The following PARD3B variants were observed in gnomAD, a reference collection of about 807,000 sequenced individuals.
The protein encoded by PARD3B is par-3 family cell polarity regulator beta.
PARD3B carries 103 observed loss-of-function variants against 130.2 expected under a neutral mutation model. That is an observed-to-expected ratio of 0.79 (90% CI 0.67 to 0.93). PARD3B has a LOEUF of 0.93. Ranked by LOEUF, PARD3B falls within the 40% of genes least tolerant of loss-of-function variation. The probability of loss-of-function intolerance (pLI) is 0.00; values close to 1 mark genes in which losing one functional copy is unlikely to be tolerated. For missense variants in PARD3B, 1,609 were observed against 1,499.2 expected (o/e 1.07, Z -1.21); for synonymous variants, 583 against 553.2 (o/e 1.05, Z -0.76).
chr2:205,534,828 G>A (rs909768569), intron 21 of PARD3B, among the ~76,000 whole-genome samples: 7 of 152,072 alleles, frequency 4.6e-5, no homozygotes, highest in South Asian at 2.1e-4. Flanking sequence ...ATGATGATAC[G>A]TATTCCTCAT....
Position 205,021,725 on chromosome 2 carries a change from A to AT in PARD3B, c.395-25852dup, listed in dbSNP as rs1218314656. Among the ~76,000 whole-genome samples the AT allele has an allele frequency of 4.0e-5, 6 of 151,532 alleles. No homozygotes were observed. The highest frequency in any genetic ancestry group is 1.5e-4 in the African/African-American group (6 of 41,286). ...GGATAGAAATTTAAAATAAACTTCC[A>AT]TTTTAAATATGAGGAAACCAAGACT... On this transcript the variant is annotated intron_variant, in intron 3 of 22. Transcript: ENST00000406610. The surrounding 1 kb of genome is among the most constrained non-coding windows in gnomAD (Gnocchi z 4.5).
intron 15 of PARD3B, among the ~76,000 whole-genome samples, chr2:205,233,304 A>G (rs2038926960): frequency 6.6e-6 from 1 of 152,182 alleles, no homozygotes; most frequent in South Asian, 2.1e-4. Flanking sequence ...AGAATTTTCC[A>G]GAAATACAAA....
intron 22 of PARD3B, among the ~76,000 whole-genome samples, chr2:205,571,668 C>G (rs2053566049): frequency 6.6e-6 from 1 of 152,178 alleles, no homozygotes; most frequent in Non-Finnish European, 1.5e-5. Context: ...ATAAAAGTCA[C>G]TTGGCTCTCC....
At chr2:204,986,963 C>A (rs932661472) in intron 3 of PARD3B, among the ~76,000 whole-genome samples, 2 of 152,112 alleles carry the variant, frequency 1.3e-5, no homozygotes, top group African/African-American at 2.4e-5. Context: ...GAAAATGTTT[C>A]TTTTAGGGAG....
chr2:204,777,621 T>G (rs151082280), intron 2 of PARD3B, among the ~76,000 whole-genome samples: 50 of 152,118 alleles, frequency 3.3e-4, no homozygotes, highest in African/African-American at 1.1e-3. Flanking sequence ...TTAAAAAAAT[T>G]AGCCAGGAAT....
intron 2 of PARD3B, among the ~76,000 whole-genome samples, chr2:204,695,412 A>G (rs541015452): frequency 1.3e-4 from 20 of 152,058 alleles, no homozygotes; most frequent in Admixed American, 2.0e-4. Context: ...GTCAGTCACC[A>G]GTACCTGTGT....
intron 2 of PARD3B, among the ~76,000 whole-genome samples, chr2:204,800,148 C>T (rs1322645516): frequency 6.6e-6 from 1 of 152,130 alleles, no homozygotes; most frequent in Non-Finnish European, 1.5e-5. Context: ...AGAAGGAATT[C>T]AGAATCCTAT....
In PARD3B at chr2:204,604,406, A is replaced by C. The variant is rs145366281; in HGVS notation, c.120+58287A>C. Among the ~76,000 whole-genome samples, 1,294 of 152,304 alleles carry C rather than the reference A, an allele frequency of 8.5e-3. 32 individuals are homozygous for C. The highest frequency in any genetic ancestry group is 0.026 in the East Asian group (137 of 5,186). ...TGGTAAGTGTCCTGGCATAAAAGCT[A>C]AGCTTTTAAAAATTTATGTTTCCCC... On this transcript the variant is annotated intron_variant, in intron 1 of 22. Transcript: ENST00000406610.
chr2:205,181,502 T>C (rs1179578485), intron 13 of PARD3B, among the ~76,000 whole-genome samples: 1 of 152,220 alleles, frequency 6.6e-6, no homozygotes, highest in Non-Finnish European at 1.5e-5. Flanking sequence ...GGTTTTGGAC[T>C]GTAGGTCTCT....
In PARD3B at chr2:205,436,591, T is replaced by TA. The variant is rs756495410; in HGVS notation, c.2742-3770dup. On this transcript the variant is annotated intron_variant, in intron 19 of 22. Transcript: ENST00000406610. ...TACGGAAGTTTTTTTTAATTTTCTT[T>TA]AAAAAAAAATCTGTGCTAAAATATA... is the stretch of plus-strand genomic sequence containing the variant. Among the ~76,000 whole-genome samples, 97 of 151,710 alleles carry TA rather than the reference T, an allele frequency of 6.4e-4. 1 individual carries two copies. The highest frequency in any genetic ancestry group is 3.4e-3 in the Middle Eastern group (1 of 292).
intron 1 of PARD3B, among the ~76,000 whole-genome samples, chr2:204,654,004 A>G (rs2035567160): frequency 6.6e-6 from 1 of 151,112 alleles, no homozygotes; most frequent in African/African-American, 2.5e-5. Flanking sequence ...GAGAGTCTCC[A>G]GTTTAAAAAC....
At chr2:204,944,101 T>C (rs181520412) in intron 2 of PARD3B, among the ~76,000 whole-genome samples, 1 of 152,250 alleles carries the variant, frequency 6.6e-6, no homozygotes, top group East Asian at 1.9e-4. Context: ...TGAAAGAAAC[T>C]GGTGGCACAA....
At position 205,550,850 on chromosome 2, in the gene PARD3B, A is replaced by T. The variant is rs2052587289; in HGVS notation, c.3181-2474A>T. Among the ~76,000 whole-genome samples, 1 of 147,406 alleles carries T rather than the reference A, an allele frequency of 6.8e-6. No individual in the cohort carries two copies. The highest frequency in any genetic ancestry group is 1.5e-5 in the Non-Finnish European group (1 of 66,812). The stretch of plus-strand genomic sequence containing the variant: ...TATTTTATGTATATTTGAATATTTT[A>T]TATGTATATTTGTATGTATATATGT... On this transcript the variant is annotated intron_variant, in intron 21 of 22. Transcript: ENST00000406610. This position sits in a 1 kb window ranked among gnomAD's most constrained non-coding sequence, Gnocchi z 4.5.
rs576966376 is a variant in PARD3B at position 205,007,237 on chromosome 2, G to A, written c.395-40344G>A. Among the ~76,000 whole-genome samples the A allele has an allele frequency of 3.9e-5, 6 of 152,228 alleles. No individual in the cohort carries two copies. In the South Asian group the frequency reaches 1.2e-3, roughly 32 times the overall value. On this transcript the variant is annotated intron_variant, in intron 3 of 22. Transcript: ENST00000406610. The stretch of plus-strand genomic sequence containing the variant: ...CTTCCACCGTGATTGTAAGTTTTCT[G>A]GGGCCTCACCAGCCATGCTGAACTG...
At chr2:205,238,111 C>T (rs534800477) in intron 15 of PARD3B, among the ~76,000 whole-genome samples, 150 of 152,274 alleles carry the variant, frequency 9.9e-4, no homozygotes, top group African/African-American at 3.4e-3. Flanking sequence ...GCCGCATTCA[C>T]TCAGCAGACA....
intron 3 of PARD3B, among the ~76,000 whole-genome samples, chr2:205,044,267 C>T (rs1264077005): frequency 7.5e-5 from 11 of 147,126 alleles, no homozygotes; most frequent in Non-Finnish European, 1.5e-4. Flanking sequence ...AATAAACATA[C>T]GTGTGCATGT....
chr2:205,052,425 A>ATATATATATATATATATATATG (rs1699268072), intron 4 of PARD3B, among the ~76,000 whole-genome samples: 3 of 14,476 alleles, frequency 2.1e-4, no homozygotes, highest in Non-Finnish European at 3.0e-4. Flanking sequence ...ATATGTATAT[A>ATATATATATATATATATATATG]TATATATATA....
Position 205,158,259 on chromosome 2 carries a change from A to G in PARD3B, c.1435-463A>G, listed in dbSNP as rs929391413. ...TAGTAAATGATATGTTTTAAATTAT[A>G]TATGCCCCATATTTTCCTGAAATTT... On this transcript the variant is annotated intron_variant, in intron 10 of 22. Coordinates refer to ENST00000406610, the MANE Select transcript of PARD3B (RefSeq NM_001302769.2). This position sits in a 1 kb window ranked among gnomAD's most constrained non-coding sequence, Gnocchi z 5.4. Among the ~76,000 whole-genome samples the G allele has an allele frequency of 3.3e-5, 5 of 152,264 alleles. No homozygotes were observed. The highest frequency in any genetic ancestry group is 1.3e-4 in the Admixed American group (2 of 15,290).
At chr2:205,076,474 G>T (rs1157331671) in intron 4 of PARD3B, among the ~76,000 whole-genome samples, 1 of 152,112 alleles carries the variant, frequency 6.6e-6, no homozygotes, top group Non-Finnish European at 1.5e-5. Context: ...ATATAGTTTA[G>T]GGCTTCTCAA....
Sources: gnomAD v4.1 joint callset for allele counts (sites outside exome capture counted in the v4.1 genomes callset) on GRCh38, gnomAD v4.1.1 for gene constraint, Gnocchi (gnomAD v3.1) non-coding constraint, MANE v1.5 for transcripts, NCBI Gene and HGNC (gene_info 2026-07-23, HGNC 2026-07-21) for gene names.